The following PCLO variants were observed in gnomAD, a reference collection of about 807,000 sequenced individuals.
The protein encoded by PCLO is protein piccolo.
In PCLO, 82 loss-of-function variants were observed where a neutral mutation model predicts 427.5. The ratio of observed to expected loss-of-function variants is 0.19; its 90% CI spans 0.16 to 0.23. The LOEUF (loss-of-function observed/expected upper bound fraction) is 0.23, where lower values mean the gene tolerates loss of function less well. Among genes scored for constraint, PCLO ranks in the 10% least tolerant of loss-of-function variants. The pLI, the probability that PCLO is intolerant of heterozygous loss-of-function variation, is 1.00. For missense variants in PCLO, 6,239 were observed against 6,115.9 expected, an observed-to-expected ratio of 1.02 and a Z score of -0.67; for synonymous variants, 2,357 against 2,155.4, an observed-to-expected ratio of 1.09 and a Z score of -2.59.
intron 3 of PCLO, among the ~76,000 whole-genome samples, chr7:83,084,660 T>C (rs894592907): frequency 6.6e-6 from 1 of 152,206 alleles, no homozygotes; most frequent in Non-Finnish European, 1.5e-5. Context: ...GTAGTTACAT[T>C]TGTTTTTATT....
chr7:82,764,329 G>A (rs918481036), intron 22 of PCLO, among the ~76,000 whole-genome samples: 2 of 151,590 alleles, frequency 1.3e-5, no homozygotes, highest in Non-Finnish European at 2.9e-5. Context: ...AAGATACAAA[G>A]CTTTCTTAAT....
chr7:82,952,353 G>T lies in PCLO; in HGVS notation c.8600C>A (p.Ala2867Asp). ...LGTPAHAVTL[A>D]ITKPVTVPPV... is the part of the protein sequence containing the mutation. Reference sequence around the variant, plus strand: ...AGGCACAGTGACAGGTTTTGTAATAGCCAATGTCACTGCATGTGCTGGAGT... The same window carrying T: ...AGGCACAGTGACAGGTTTTGTAATATCCAATGTCACTGCATGTGCTGGAGT... The change falls in exon 5 of 25, where the codon GCT becomes GAT. Residue 2867 changes from alanine (A) to aspartate (D), a missense_variant. By Grantham distance (126) the Ala-to-Asp change is moderately radical (BLOSUM62 -2). Transcript: ENST00000333891. The T allele has an allele frequency of 1.2e-6, 2 of 1,613,888 alleles. No homozygotes were observed. Among genetic ancestry groups the T allele is most frequent in the Non-Finnish European group, 8.5e-7 (1 of 1,179,796 alleles).
chr7:82,871,483 T>C (rs1373927826), intron 10 of PCLO, among the ~76,000 whole-genome samples: 6 of 151,796 alleles, frequency 4.0e-5, no homozygotes, highest in Non-Finnish European at 5.9e-5. Context: ...TGATGAGGGA[T>C]TGTTTAATGA....
At chr7:83,053,810 C>A (rs1020997694) in intron 3 of PCLO, among the ~76,000 whole-genome samples, 1 of 151,686 alleles carries the variant, frequency 6.6e-6, no homozygotes, top group Non-Finnish European at 1.5e-5. Flanking sequence ...AAATAGAGTC[C>A]ATTTTAAGAT....
intron 20 of PCLO, among the ~76,000 whole-genome samples, chr7:82,814,489 T>A (rs1225876679): frequency 6.6e-6 from 1 of 150,722 alleles, no homozygotes; most frequent in Non-Finnish European, 1.5e-5. Flanking sequence ...CATAATTTAA[T>A]TTATAATAAT....
At chr7:83,024,520 G>A (rs1316502508) in intron 3 of PCLO, among the ~76,000 whole-genome samples, 1 of 152,180 alleles carries the variant, frequency 6.6e-6, no homozygotes, top group Non-Finnish European at 1.5e-5. Context: ...GCAGCAGCCA[G>A]GCTGGGGGAG....
chr7:82,995,422 T>A (rs1265439261), intron 3 of PCLO, among the ~76,000 whole-genome samples: 1 of 151,952 alleles, frequency 6.6e-6, no homozygotes. Flanking sequence ...TCATTACACT[T>A]TAGCAAGAAC....
intron 10 of PCLO, among the ~76,000 whole-genome samples, chr7:82,867,685 T>G (rs80218850): frequency 2.1e-3 from 324 of 152,252 alleles, no homozygotes; most frequent in African/African-American, 7.5e-3. Context: ...CAGAAATACC[T>G]CAAAGTATGT....
intron 8 of PCLO, among the ~76,000 whole-genome samples, 182 bp downstream of exon 8, chr7:82,908,695 C>A (rs1200168314): frequency 3.3e-5 from 5 of 152,062 alleles, no homozygotes. Context: ...CAGCTATGCT[C>A]CATTTTCAGT....
intron 3 of PCLO, among the ~76,000 whole-genome samples, chr7:83,051,816 A>G (rs1267146957): frequency 6.6e-6 from 1 of 152,164 alleles, no homozygotes; most frequent in Non-Finnish European, 1.5e-5. Flanking sequence ...CTATAAAGCT[A>G]CAGGAAAAAA....
At chr7:82,823,001 C>G (rs542290389) in intron 19 of PCLO, among the ~76,000 whole-genome samples, 10 of 152,178 alleles carry the variant, frequency 6.6e-5, no homozygotes, top group African/African-American at 2.4e-4. Flanking sequence ...CAGCAGAGGT[C>G]AGGTAGGAGA....
intron 6 of PCLO, 69 bp downstream of exon 6, chr7:82,949,407 C>G (rs1241137852): frequency 6.4e-6 from 8 of 1,245,472 alleles, no homozygotes; most frequent in Middle Eastern, 2.0e-4. Flanking sequence ...CTGATCGCCT[C>G]CTAAAAGTCT....
At chr7:83,005,713 C>T (rs1787929853) in intron 3 of PCLO, among the ~76,000 whole-genome samples, 1 of 151,418 alleles carries the variant, frequency 6.6e-6, no homozygotes, top group South Asian at 2.1e-4. Flanking sequence ...AGGTTGTACA[C>T]CTTAAATATA....
chr7:82,983,369 T>C (rs1209445121), intron 3 of PCLO, among the ~76,000 whole-genome samples: 6 of 151,104 alleles, frequency 4.0e-5, no homozygotes, highest in African/African-American at 1.5e-4. Context: ...AAAAAATATA[T>C]ATGTTCCCTC....
chr7:82,955,523 G>A lies in PCLO; in HGVS notation c.5430C>T (p.Asp1810=). ...RKSSSKKSKK[D]KDELRAQRRR... ...TTCTCTGAGCTCGAAGTTCATCTTT[G>A]TCTTTCTTTGATTTTTTACTAGAAC... The change falls in exon 5 of 25, where the codon GAC becomes GAT. Residue 1810 remains aspartate, a synonymous_variant. Transcript: ENST00000333891. 6.2e-7 allele frequency: 1 copy of A among 1,613,798 alleles called. No individual in the cohort carries two copies. The highest frequency in any genetic ancestry group is 1.3e-5 in the African/African-American group (1 of 74,978).
chr7:82,885,077 T>C (rs1030179367), intron 9 of PCLO, among the ~76,000 whole-genome samples: 2 of 152,166 alleles, frequency 1.3e-5, no homozygotes, highest in Non-Finnish European at 2.9e-5. Context: ...TCCCTTCCGT[T>C]TGAGTGAAGG....
intron 9 of PCLO, among the ~76,000 whole-genome samples, chr7:82,900,407 T>C (rs1319258486): frequency 6.6e-6 from 1 of 151,722 alleles, no homozygotes; most frequent in Non-Finnish European, 1.5e-5. Flanking sequence ...ATAAATTAAA[T>C]ATATATTTGA....
At chr7:83,012,658 G>T (rs1412465240) in intron 3 of PCLO, among the ~76,000 whole-genome samples, 1 of 137,136 alleles carries the variant, frequency 7.3e-6, no homozygotes, top group East Asian at 2.1e-4. Context: ...CAGAAGCCCA[G>T]ATTTTTATAT....
intron 14 of PCLO, among the ~76,000 whole-genome samples, 159 bp from the exon 15 acceptor site, chr7:82,838,501 A>G (rs1792285540): frequency 6.6e-6 from 1 of 152,036 alleles, no homozygotes; most frequent in African/African-American, 2.4e-5. Flanking sequence ...GTCTAATTTA[A>G]TTGAGAGCTC....
Sources: gnomAD v4.1 joint callset for allele counts (sites outside exome capture counted in the v4.1 genomes callset) on GRCh38, gnomAD v4.1.1 for gene constraint, MANE v1.5 for transcripts, NCBI Gene and HGNC (gene_info 2026-07-23, HGNC 2026-07-21) for gene names.